CAAP1: variants seen among roughly 807,000 people sequenced by gnomAD.
CAAP1 encodes the protein caspase activity and apoptosis inhibitor 1, also known as conserved anti-apoptotic protein.
In CAAP1, 20 loss-of-function variants were observed where a neutral mutation model predicts 34.0. The observed-to-expected ratio is 0.59, with a 90% CI of 0.41 to 0.86. The LOEUF is 0.86. Ranked by LOEUF, CAAP1 falls within the 40% of genes least tolerant of loss-of-function variation. The pLI is 0.00. For missense variants in CAAP1, 538 were observed against 450.5 expected (o/e 1.19, Z -1.76); for synonymous variants, 213 against 166.7 (o/e 1.28, Z -2.14).
intron 4 of CAAP1, among the ~76,000 whole-genome samples, chr9:26,876,028 T>C (rs1823420606): frequency 6.6e-6 from 1 of 152,232 alleles, no homozygotes; most frequent in African/African-American, 2.4e-5. Context: ...CATATATTTA[T>C]CCTCATACAG....
chr9:26,884,758 C>A, intron 4 of CAAP1, 52 bp downstream of exon 4: 1 of 1,233,702 alleles, frequency 8.1e-7, no homozygotes, highest in South Asian at 1.3e-5. Flanking sequence ...AAGAAATCAC[C>A]AAAGGAATAA....
At chr9:26,876,095 A>T (rs943078843) in intron 4 of CAAP1, among the ~76,000 whole-genome samples, 2 of 152,238 alleles carry the variant, frequency 1.3e-5, no homozygotes, top group African/African-American at 4.8e-5. Flanking sequence ...AGTTGTAGGT[A>T]ATACTGCATT....
At chr9:26,882,202 G>A (rs755157467) in intron 4 of CAAP1, among the ~76,000 whole-genome samples, 2 of 152,324 alleles carry the variant, frequency 1.3e-5, no homozygotes, top group Non-Finnish European at 2.9e-5. Flanking sequence ...AATCAAGCAG[G>A]CTGCAAAAAT....
At chr9:26,864,261 A>AT (rs1323781749) in intron 4 of CAAP1, among the ~76,000 whole-genome samples, 2 of 152,094 alleles carry the variant, frequency 1.3e-5, no homozygotes, top group African/African-American at 2.4e-5. Context: ...TAGTTCAATG[A>AT]TTTTTTTAAA....
intron 4 of CAAP1, among the ~76,000 whole-genome samples, chr9:26,864,900 T>C (rs1302858864): frequency 6.6e-6 from 1 of 152,214 alleles, no homozygotes. Flanking sequence ...TGAAAAACTG[T>C]TATTTTGAAT....
At chr9:26,886,538 C>T (rs557446523) in intron 2 of CAAP1, among the ~76,000 whole-genome samples, 5 of 152,260 alleles carry the variant, frequency 3.3e-5, no homozygotes, top group East Asian at 1.9e-4. Flanking sequence ...TGATCTCAGG[C>T]TTAACTTTAG....
intron 1 of CAAP1, among the ~76,000 whole-genome samples, chr9:26,892,023 T>C (rs1823915292): frequency 6.6e-6 from 1 of 152,110 alleles, no homozygotes; most frequent in East Asian, 1.9e-4. Context: ...GGGCCTCAAT[T>C]TTCTTATCTC....
chr9:26,860,563 C>A lies in CAAP1; in HGVS notation c.739+503G>T, dbSNP rs529661600. Among the ~76,000 whole-genome samples, 4 of 152,196 alleles carry A rather than the reference C, an allele frequency of 2.6e-5. No homozygotes were observed. The East Asian group carries it at 5.8e-4, about 22-fold the overall frequency. On this transcript the variant is annotated intron_variant, in intron 5 of 5. Transcript: ENST00000333916. The stretch of plus-strand genomic sequence containing the variant: ...ATCCCAGCACTTTGGGTGGCCGAGG[C>A]GGGTGGATCACAAGGTCAGGAGATC...
At chr9:26,877,471 T>C (rs956602353) in intron 4 of CAAP1, among the ~76,000 whole-genome samples, 3 of 152,208 alleles carry the variant, frequency 2.0e-5, no homozygotes, top group African/African-American at 7.2e-5. Flanking sequence ...TGTATTTTCC[T>C]CAGATGAGTA....
At chr9:26,878,957 T>A (rs572581231) in intron 4 of CAAP1, among the ~76,000 whole-genome samples, 1 of 152,276 alleles carries the variant, frequency 6.6e-6, no homozygotes, top group South Asian at 2.1e-4. Context: ...CCAACATCCA[T>A]CTTACTTTGG....
intron 5 of CAAP1, among the ~76,000 whole-genome samples, chr9:26,859,521 C>A (rs1563882751): frequency 6.6e-6 from 1 of 152,068 alleles, no homozygotes; most frequent in Non-Finnish European, 1.5e-5. Flanking sequence ...AATAGCATAT[C>A]CTCCATACTG....
intron 1 of CAAP1, among the ~76,000 whole-genome samples, chr9:26,889,547 G>C (rs1320655926): frequency 6.6e-6 from 1 of 151,998 alleles, no homozygotes; most frequent in Non-Finnish European, 1.5e-5. Flanking sequence ...TTTCAATAAA[G>C]TTCTTCCCAA....
intron 4 of CAAP1, among the ~76,000 whole-genome samples, chr9:26,882,903 G>T (rs554525784): frequency 2.0e-5 from 3 of 152,278 alleles, no homozygotes. Flanking sequence ...TGACTGCCTC[G>T]CTGGATTTCA....
chr9:26,857,245 A>G (rs893117076), intron 5 of CAAP1, among the ~76,000 whole-genome samples: 4 of 152,246 alleles, frequency 2.6e-5, no homozygotes, highest in Non-Finnish European at 5.9e-5. Flanking sequence ...ATGCACACAT[A>G]CACCTACACA....
intron 5 of CAAP1, among the ~76,000 whole-genome samples, chr9:26,843,257 A>G (rs756822149): frequency 2.6e-5 from 4 of 152,218 alleles, no homozygotes; most frequent in Non-Finnish European, 5.9e-5. Flanking sequence ...TAACAAAGTT[A>G]GTTCACCATA....
Position 26,842,463 on chromosome 9 carries a change from C to T in CAAP1, c.924G>A (p.Leu308=), listed in dbSNP as rs779294361. The change falls in exon 6 of 6, where the codon CTG becomes CTA. Residue 308 remains leucine, a synonymous_variant. Coordinates refer to ENST00000333916, the MANE Select transcript of CAAP1 (RefSeq NM_024828.4). ...IEKSVNEILG[L]AESSPNEPKA... ...TGGGTTCGTTTGGGCTAGACTCTGC[C>T]AGTCCTAGAATCTCATTCACACTTT... is the stretch of plus-strand genomic sequence containing the variant. 6.2e-7 allele frequency: 1 copy of T among 1,614,130 alleles called. No homozygotes were observed. The highest frequency in any genetic ancestry group is 8.5e-7 in the Non-Finnish European group (1 of 1,180,014).
At chr9:26,848,371 C>T (rs1381975622) in intron 5 of CAAP1, among the ~76,000 whole-genome samples, 1 of 152,134 alleles carries the variant, frequency 6.6e-6, no homozygotes, top group Admixed American at 6.6e-5. Flanking sequence ...AAAAAATTAG[C>T]CGGGCCTGGT....
chr9:26,886,086 A>T lies in CAAP1; in HGVS notation c.589+18T>A, dbSNP rs1292711099. 7.3e-7 allele frequency: 1 copy of T among 1,370,770 alleles called. No homozygotes were observed. Among genetic ancestry groups the T allele is most frequent in the Non-Finnish European group, 1.0e-6 (1 of 1,002,366 alleles). 84.9% of individuals were successfully genotyped at this position (1,370,770 alleles called of 1,614,324 possible). On this transcript the variant is annotated intron_variant, in intron 3 of 5. Transcript: ENST00000333916. ...ATTAACTAAGAAGTTGCCAGAATGT[A>T]AAAATATGTATTCTTACCCTCAAGA... is the stretch of plus-strand genomic sequence containing the variant.
chr9:26,862,979 T>G (rs1034292290), intron 4 of CAAP1, among the ~76,000 whole-genome samples: 2 of 152,142 alleles, frequency 1.3e-5, no homozygotes, highest in Non-Finnish European at 2.9e-5. Flanking sequence ...AGGTCAATAA[T>G]AAGTAAATCT....
Sources: gnomAD v4.1 joint callset for allele counts (sites outside exome capture counted in the v4.1 genomes callset) on GRCh38, gnomAD v4.1.1 for gene constraint, MANE v1.5 for transcripts, NCBI Gene and HGNC (gene_info 2026-07-23, HGNC 2026-07-21) for gene names.